HPCA: variants seen among roughly 807,000 people sequenced by gnomAD.
HPCA encodes neuron-specific calcium-binding protein hippocalcin.
A neutral mutation model predicts 18.2 loss-of-function variants in HPCA; 4 were observed. The ratio of observed to expected loss-of-function variants is 0.22; its 90% CI spans 0.11 to 0.50. The LOEUF is 0.50. HPCA is among the 20% of genes least tolerant of loss of function. The pLI is 0.97. For synonymous variants in HPCA, 93 were observed against 103.5 expected, an observed-to-expected ratio of 0.90 and a Z score of 0.61; for missense variants, 161 against 265.8, an observed-to-expected ratio of 0.61 and a Z score of 2.74.
In HPCA at chr1:32,893,443, G is replaced by A. The variant is rs377608024; in HGVS notation, c.379-81G>A. The stretch of plus-strand genomic sequence containing the variant: ...CCAGGCGGGGGCAGCAAACGTCAGA[G>A]AGCCCGGGGGCGCCTCTGAATCTTG... On this transcript the variant is annotated intron_variant, in intron 2 of 3. Transcript: ENST00000373467. This position sits in a 1 kb window ranked among gnomAD's most constrained non-coding sequence, Gnocchi z 7.5. 14 of 986,822 alleles carry A rather than the reference G, an allele frequency of 1.4e-5. No homozygotes were observed. The African/African-American group carries it at 2.1e-4, about 15-fold the overall frequency. 61.1% of individuals were successfully genotyped at this position (986,822 alleles called of 1,614,324 possible).
intron 1 of HPCA, 127 bp from the exon 2 acceptor site, chr1:32,888,751 C>T (rs1159449024): frequency 2.0e-5 from 17 of 860,844 alleles, no homozygotes; most frequent in Non-Finnish European, 3.1e-5. Context: ...TGGGCCAGTT[C>T]CTCTCTTTCA....
chr1:32,893,795 G>A lies in HPCA; in HGVS notation c.515G>A (p.Gly172Glu). ...GKLSLEEFIR[G>E]AKSDPSIVRL... is the part of the protein sequence containing the mutation. ...CTGTCCTTGGAGGAGTTCATCCGCG[G>A]GGCCAAAAGCGACCCGTCCATCGTG... The change falls in exon 4 of 4, where the codon GGG becomes GAG. Residue 172 changes from glycine (G) to glutamate (E), a missense_variant. Transcript: ENST00000373467. The surrounding 1 kb of genome is among the most constrained non-coding windows in gnomAD (Gnocchi z 7.5). 6.3e-7 allele frequency: 1 copy of A among 1,580,762 alleles called. No homozygotes were observed. Among genetic ancestry groups the A allele is most frequent in the Non-Finnish European group, 8.6e-7 (1 of 1,164,150 alleles).
rs1570026779 is a variant in HPCA, at chr1:32,894,044, G to T, written c.*182G>T. The T allele has an allele frequency of 1.7e-6, 1 of 591,930 alleles. No homozygotes were observed. The highest frequency in any genetic ancestry group is 3.0e-5 in the Admixed American group (1 of 33,834). 36.7% of individuals were successfully genotyped at this position (591,930 alleles called of 1,614,324 possible). A position where few individuals can be genotyped will look rare whatever the true frequency, so the allele number is the denominator to read the frequency against. On this transcript the variant is annotated 3_prime_UTR_variant, in exon 4 of 4. Transcript: ENST00000373467. Reference sequence around the variant, plus strand: ...TACCCCCAGGCCAAAGCAAGTAAGCGGTTAGCACCCCCCAATCCCAGAGGC... The same window carrying T: ...TACCCCCAGGCCAAAGCAAGTAAGCTGTTAGCACCCCCCAATCCCAGAGGC...
intron 2 of HPCA, among the ~76,000 whole-genome samples, chr1:32,892,080 C>T (rs1192062879): frequency 6.6e-6 from 1 of 152,138 alleles, no homozygotes; most frequent in South Asian, 2.1e-4. Context: ...TACTTAGTAT[C>T]GTTATTCCAG....
chr1:32,889,743 T>G lies in HPCA; in HGVS notation c.378+467T>G, dbSNP rs1641425443. Among the ~76,000 whole-genome samples, 1 of 152,266 alleles carries G rather than the reference T, an allele frequency of 6.6e-6. No individual in the cohort carries two copies. Among genetic ancestry groups the G allele is most frequent in the Admixed American group, 6.5e-5 (1 of 15,292 alleles). On this transcript the variant is annotated intron_variant, in intron 2 of 3. Transcript: ENST00000373467. This position sits in a 1 kb window ranked among gnomAD's most constrained non-coding sequence, Gnocchi z 4.6. ...TTGCCAACTGTCTCCATAATGTTCTTTATAGCATTTTTGGCCCTGACCTGG... is the reference window on the plus strand; with the variant it reads ...TTGCCAACTGTCTCCATAATGTTCTGTATAGCATTTTTGGCCCTGACCTGG...
At chr1:32,888,557 T>G (rs1641407076) in intron 1 of HPCA, among the ~76,000 whole-genome samples, 1 of 152,202 alleles carries the variant, frequency 6.6e-6, no homozygotes. Context: ...CAAATCCCCA[T>G]ACAACCTGTT....
At position 32,886,637 on chromosome 1, in the gene HPCA, G is replaced by A. The variant is rs544842441; in HGVS notation, c.-22+122G>A. The A allele has an allele frequency of 9.1e-4, 138 of 152,350 alleles. 1 individual carries two copies. Among genetic ancestry groups the A allele is most frequent in the African/African-American group, 3.2e-3 (134 of 41,552 alleles). The allele number at this position is 152,350 out of a possible 1,614,324, so 9.4% of individuals were successfully genotyped here. Reference sequence around the variant, plus strand: ...CGGGCTTCCCGGGAATCCTTGCCCCGGGTGGCGGGGGCGCTGGGGACTGGG... The same window carrying A: ...CGGGCTTCCCGGGAATCCTTGCCCCAGGTGGCGGGGGCGCTGGGGACTGGG... On this transcript the variant is annotated intron_variant, in intron 1 of 3. Transcript: ENST00000373467. The surrounding 1 kb of genome is among the most constrained non-coding windows in gnomAD (Gnocchi z 7.0).
At chr1:32,887,270 A>C (rs1409082903) in intron 1 of HPCA, among the ~76,000 whole-genome samples, 2 of 152,244 alleles carry the variant, frequency 1.3e-5, no homozygotes, top group East Asian at 3.9e-4. Context: ...TGCACATCTG[A>C]GGCACATGCA....
At chr1:32,888,605 G>A (rs1641407620) in intron 1 of HPCA, among the ~76,000 whole-genome samples, 1 of 152,182 alleles carries the variant, frequency 6.6e-6, no homozygotes, top group Non-Finnish European at 1.5e-5. Context: ...AAGGCTTAGT[G>A]GCTGGCACCT....
At chr1:32,888,111 G>C (rs1048782370) in intron 1 of HPCA, among the ~76,000 whole-genome samples, 1 of 152,116 alleles carries the variant, frequency 6.6e-6, no homozygotes, top group Admixed American at 6.5e-5. Flanking sequence ...ATGGTTCTAA[G>C]TGCTTCACAC....
intron 1 of HPCA, among the ~76,000 whole-genome samples, chr1:32,888,465 T>A (rs1235516737): frequency 1.3e-5 from 2 of 151,878 alleles, no homozygotes; most frequent in Admixed American, 6.6e-5. Context: ...ACTCTAGGAG[T>A]CAGCCTCATA....
At chr1:32,890,087 T>C (rs1397460688) in intron 2 of HPCA, among the ~76,000 whole-genome samples, 1 of 152,202 alleles carries the variant, frequency 6.6e-6, no homozygotes, top group African/African-American at 2.4e-5. Flanking sequence ...GCTCAGTGCG[T>C]GCTTACAACA....
In HPCA at chr1:32,893,879, C is replaced by T. The variant is rs776480728; in HGVS notation, c.*17C>T. ...CAGTTCTGAGAGGAGCCAGGTTCCC[C>T]TTCCTCCCTCCCTTCACCGGCCCCC... is the stretch of plus-strand genomic sequence containing the variant. On this transcript the variant is annotated 3_prime_UTR_variant, in exon 4 of 4. Coordinates refer to ENST00000373467, the MANE Select transcript of HPCA (RefSeq NM_002143.3). The surrounding 1 kb of genome is among the most constrained non-coding windows in gnomAD (Gnocchi z 7.5). The T allele has an allele frequency of 9.9e-6, 15 of 1,520,042 alleles. No homozygotes were observed. Among genetic ancestry groups the T allele is most frequent in the Non-Finnish European group, 1.3e-5 (15 of 1,117,624 alleles). The allele number at this position is 1,520,042 out of a possible 1,614,324, so 94.2% of individuals were successfully genotyped here. A position where few individuals can be genotyped will look rare whatever the true frequency, so the allele number is the denominator to read the frequency against.
At position 32,894,583 on chromosome 1, in the gene HPCA, T is replaced by A; in HGVS notation, c.*721T>A. The A allele has an allele frequency of 8.2e-5, 33 of 400,584 alleles. No homozygotes were observed. The highest frequency in any genetic ancestry group is 1.9e-4 in the East Asian group (4 of 21,350). 24.8% of individuals were successfully genotyped at this position (400,584 alleles called of 1,614,324 possible). ...TGTCCCCCCAACCGCCCCCCCTGCA[T>A]GCAGCCAAATGGAGCATCTCTGTTC... is the stretch of plus-strand genomic sequence containing the variant. On this transcript the variant is annotated 3_prime_UTR_variant, in exon 4 of 4. Transcript: ENST00000373467.
At position 32,893,673 on chromosome 1, in the gene HPCA, T is replaced by TTGCCA; in HGVS notation, c.484+44_484+45insTGCCA. ...ACGGGGTGGACGGGGCGGGCGCCTT[T>TTGCCA]CCCTCCCTCCCTCCCTGCCTCCCTT... On this transcript the variant is annotated intron_variant, in intron 3 of 3. Coordinates refer to ENST00000373467, the MANE Select transcript of HPCA (RefSeq NM_002143.3). This position sits in a 1 kb window ranked among gnomAD's most constrained non-coding sequence, Gnocchi z 7.5. 1 of 1,314,132 alleles carries TTGCCA rather than the reference T, an allele frequency of 7.6e-7. No individual in the cohort carries two copies. The highest frequency in any genetic ancestry group is 1.1e-6 in the Non-Finnish European group (1 of 926,078). 81.4% of individuals were successfully genotyped at this position (1,314,132 alleles called of 1,614,324 possible).
chr1:32,886,488 T>C (rs1641370960), upstream of HPCA: 1 of 152,038 alleles, frequency 6.6e-6, no homozygotes, highest in Non-Finnish European at 1.5e-5. This position sits in a 1 kb window ranked among gnomAD's most constrained non-coding sequence, Gnocchi z 7.0. Context: ...CCGCCTTCCC[T>C]GCGCAGTCGG....
At chr1:32,892,009 C>T (rs1331329807) in intron 2 of HPCA, among the ~76,000 whole-genome samples, 1 of 152,136 alleles carries the variant, frequency 6.6e-6, no homozygotes, top group Non-Finnish European at 1.5e-5. Context: ...TCAGGGCTTG[C>T]GTGAGGTTTA....
At position 32,893,985 on chromosome 1, in the gene HPCA, C is replaced by A; in HGVS notation, c.*123C>A. On this transcript the variant is annotated 3_prime_UTR_variant, in exon 4 of 4. Coordinates refer to ENST00000373467, the MANE Select transcript of HPCA (RefSeq NM_002143.3). The surrounding 1 kb of genome is among the most constrained non-coding windows in gnomAD (Gnocchi z 7.5). The stretch of plus-strand genomic sequence containing the variant: ...GGAAGCCCTTCTCCCCGGGTCTGCC[C>A]TGTGGGGGGCTTCCGGAAAAGGGAA... The A allele has an allele frequency of 1.4e-6, 1 of 730,880 alleles. No individual in the cohort carries two copies. The highest frequency in any genetic ancestry group is 1.8e-5 in the South Asian group (1 of 54,930). 45.3% of individuals were successfully genotyped at this position (730,880 alleles called of 1,614,324 possible).
chr1:32,893,842 A>C lies in HPCA; in HGVS notation c.562A>C (p.Ser188Arg), dbSNP rs1203570422. Residue 188 changes from serine (S) to arginine (R), a missense_variant, in exon 4 of 4, where the codon AGC becomes CGC. Transcript: ENST00000373467. The surrounding 1 kb of genome is among the most constrained non-coding windows in gnomAD (Gnocchi z 7.5). ...CGTGCGTCTGCTGCAGTGCGACCCC[A>C]GCAGCGCCTCCCAGTTCTGAGAGGA... ...SIVRLLQCDP[S>R]SASQF The C allele has an allele frequency of 6.4e-7, 1 of 1,573,380 alleles. No individual in the cohort carries two copies. Among genetic ancestry groups the C allele is most frequent in the East Asian group, 2.4e-5 (1 of 42,106 alleles).
Sources: allele counts gnomAD v4.1 joint callset (sites outside exome capture counted in the v4.1 genomes callset), GRCh38; gene constraint gnomAD v4.1.1; non-coding constraint Gnocchi (gnomAD v3.1); transcripts MANE v1.5; gene names NCBI Gene and HGNC (gene_info 2026-07-23, HGNC 2026-07-21).